Variants in GNB1 observed in about 807,000 individuals in gnomAD.
GNB1 encodes the protein G protein subunit beta 1.
GNB1 carries 2 observed loss-of-function variants against 42.9 expected under a neutral mutation model. That is an observed-to-expected ratio of 0.05 (90% CI 0.02 to 0.15). The LOEUF (loss-of-function observed/expected upper bound fraction) is 0.15, where lower values mean the gene tolerates loss of function less well. GNB1 is among the 10% of genes least tolerant of loss of function. The pLI, the probability that GNB1 is intolerant of heterozygous loss-of-function variation, is 1.00. For synonymous variants in GNB1, 183 were observed against 174.7 expected, an observed-to-expected ratio of 1.05 and a Z score of -0.38; for missense variants, 193 against 462.2, an observed-to-expected ratio of 0.42 and a Z score of 5.34.
intron 2 of GNB1, among the ~76,000 whole-genome samples, chr1:1,833,454 G>A (rs983439753): frequency 9.2e-5 from 14 of 152,234 alleles, no homozygotes; most frequent in African/African-American, 3.4e-4. Flanking sequence ...AATAAGGGGA[G>A]CAGGGGACCA....
At chr1:1,846,349 C>G (rs1001272548) in intron 1 of GNB1, among the ~76,000 whole-genome samples, 3 of 152,114 alleles carry the variant, frequency 2.0e-5, no homozygotes, top group African/African-American at 4.8e-5. Context: ...GGCGGATCAC[C>G]TAAGCTCAGG....
chr1:1,811,198 A>C (rs1370373307), intron 5 of GNB1, among the ~76,000 whole-genome samples: 2 of 150,830 alleles, frequency 1.3e-5, no homozygotes, highest in Admixed American at 1.3e-4. Flanking sequence ...CGATTCTCCC[A>C]CCTCAGCCTC....
chr1:1,834,729 T>G (rs1647122033), intron 2 of GNB1, among the ~76,000 whole-genome samples: 1 of 146,012 alleles, frequency 6.8e-6, no homozygotes, highest in South Asian at 2.2e-4. Flanking sequence ...AGTGCAGTGG[T>G]GCGATCTCGG....
intron 1 of GNB1, among the ~76,000 whole-genome samples, chr1:1,847,774 A>G (rs1038936935): frequency 6.6e-6 from 1 of 151,754 alleles, no homozygotes; most frequent in Non-Finnish European, 1.5e-5. Flanking sequence ...GACTGTGCAT[A>G]TGCTTTTAAA....
intron 7 of GNB1, among the ~76,000 whole-genome samples, chr1:1,796,582 T>C (rs1280604700): frequency 2.6e-5 from 4 of 152,212 alleles, no homozygotes; most frequent in African/African-American, 4.8e-5. Context: ...ACAAATTCCC[T>C]GGGTATGTGT....
intron 1 of GNB1, among the ~76,000 whole-genome samples, chr1:1,852,862 C>A (rs1184659236): frequency 6.6e-6 from 1 of 152,088 alleles, no homozygotes; most frequent in Admixed American, 6.6e-5. Context: ...CCCTTCTGAA[C>A]CCTCAACTGG....
At chr1:1,865,558 C>T (rs1648888544) in intron 1 of GNB1, among the ~76,000 whole-genome samples, 1 of 152,176 alleles carries the variant, frequency 6.6e-6, no homozygotes, top group South Asian at 2.1e-4. Context: ...CGCACTCCAA[C>T]CTGGGCAACA....
Position 1,884,109 on chromosome 1 carries a change from G to C in GNB1, c.-96+6711C>G, listed in dbSNP as rs1385358415. On this transcript the variant is annotated intron_variant, in intron 1 of 11. Coordinates refer to ENST00000378609, the MANE Select transcript of GNB1 (RefSeq NM_002074.5). ...GCCTCCCGAGTAGCTGAGATTACAG[G>C]CATGTGCCACCATGCCCGACTAATT... Among the ~76,000 whole-genome samples, 3 of 151,106 alleles carry C rather than the reference G, an allele frequency of 2.0e-5. No homozygotes were observed. The East Asian group carries it at 5.8e-4, about 29-fold the overall frequency.
chr1:1,825,372 A>C (rs1434880808), intron 3 of GNB1, 25 bp downstream of exon 3: 1 of 1,563,408 alleles, frequency 6.4e-7, no homozygotes, highest in East Asian at 2.2e-5. Context: ...ATGATTAATA[A>C]AACCAAGCAC....
rs143692442 is a variant in GNB1, at chr1:1,811,425, T to G, written c.203+4331A>C. ...GAAAGACAAACTAGGCCGGGCACAG[T>G]GGCTCACCCCTGTAATCCCAGCACT... is the stretch of plus-strand genomic sequence containing the variant. On this transcript the variant is annotated intron_variant, in intron 5 of 11. Transcript: ENST00000378609. Among the ~76,000 whole-genome samples the G allele has an allele frequency of 5.3e-4, 80 of 151,264 alleles. 1 individual carries two copies. The highest frequency in any genetic ancestry group is 1.7e-3 in the African/African-American group (71 of 41,346).
intron 2 of GNB1, among the ~76,000 whole-genome samples, chr1:1,835,107 G>A (rs1647127807): frequency 1.3e-5 from 2 of 152,312 alleles, no homozygotes; most frequent in East Asian, 1.9e-4. Context: ...AATACTATGT[G>A]CTTTCCCAAC....
intron 1 of GNB1, among the ~76,000 whole-genome samples, chr1:1,846,958 GAGA>G (rs1409795747): frequency 6.6e-6 from 1 of 152,208 alleles, no homozygotes; most frequent in African/African-American, 2.4e-5. Context: ...AAGATAACAG[GAGA>G]AGCAGTTTCT....
intron 1 of GNB1, among the ~76,000 whole-genome samples, chr1:1,887,767 C>G (rs919113084): frequency 6.6e-5 from 10 of 152,168 alleles, no homozygotes; most frequent in Non-Finnish European, 1.5e-4. Flanking sequence ...AGGCGCCCAC[C>G]ACCACGCCGG....
intron 1 of GNB1, among the ~76,000 whole-genome samples, chr1:1,864,900 C>T (rs372963901): frequency 6.6e-6 from 1 of 152,110 alleles, no homozygotes; most frequent in Non-Finnish European, 1.5e-5. Context: ...TTTTACTTGG[C>T]CTTTGGTTTT....
In GNB1 at chr1:1,789,164, T is replaced by C; in HGVS notation, c.805A>G (p.Ile269Val). 2.5e-6 allele frequency: 4 copies of C among 1,613,960 alleles called. No individual in the cohort carries two copies. Among genetic ancestry groups the C allele is most frequent in the Non-Finnish European group, 3.4e-6 (4 of 1,179,880 alleles). Residue 269 changes from isoleucine to valine, a missense_variant, in exon 10 of 12, where the codon ATC becomes GTC. Transcript: ENST00000378609. ...GAGACAGAGGTGATCCCGCAGATGA[T>C]GTTGTCATGGGAGTAAGTCATGAGC... Reference protein sequence around the residue: ...QELMTYSHDNIICGITSVSFS... With the variant: ...QELMTYSHDNVICGITSVSFS...
At chr1:1,885,868 TAAA>T (rs79504690) in intron 1 of GNB1, among the ~76,000 whole-genome samples, 4 of 130,254 alleles carry the variant, frequency 3.1e-5, no homozygotes, top group East Asian at 2.2e-4. Context: ...CACTTAATCT[TAAA>T]AAAAAAAAAA....
chr1:1,863,812 T>C (rs565168345), intron 1 of GNB1, among the ~76,000 whole-genome samples: 2 of 152,318 alleles, frequency 1.3e-5, no homozygotes, highest in East Asian at 1.9e-4. Context: ...ACTCTCAGTG[T>C]AGTATATGGC....
chr1:1,868,773 C>G (rs1649085016), intron 1 of GNB1, among the ~76,000 whole-genome samples: 1 of 151,334 alleles, frequency 6.6e-6, no homozygotes, highest in Admixed American at 6.6e-5. Flanking sequence ...GAGTGAGACT[C>G]CATCTCAAAA....
At chr1:1,849,847 TGTC>T (rs1647885239) in intron 1 of GNB1, among the ~76,000 whole-genome samples, 1 of 152,202 alleles carries the variant, frequency 6.6e-6, no homozygotes, top group Admixed American at 6.6e-5. Flanking sequence ...TCTGGTTTGT[TGTC>T]TTTTACTAAT....
Sources: allele counts gnomAD v4.1 joint callset (sites outside exome capture counted in the v4.1 genomes callset), GRCh38; gene constraint gnomAD v4.1.1; transcripts MANE v1.5; gene names NCBI Gene and HGNC (gene_info 2026-07-23, HGNC 2026-07-21).